Variants in TIGD1 observed in about 807,000 individuals in gnomAD.
The protein encoded by TIGD1 is tigger transposable element-derived protein 1.
Under a neutral mutation model 21.3 loss-of-function variants are expected in TIGD1, and 20 were observed. The ratio of observed to expected loss-of-function variants is 0.94; its 90% CI spans 0.66 to 1.36. TIGD1 has a LOEUF of 1.36. Among genes scored for constraint, TIGD1 ranks in the 40% most tolerant of loss-of-function variants. The probability of loss-of-function intolerance (pLI) is 0.00; values close to 1 mark genes in which losing one functional copy is unlikely to be tolerated. For synonymous variants in TIGD1, 177 were observed against 123.2 expected, an observed-to-expected ratio of 1.44 and a Z score of -2.89; for missense variants, 556 against 350.5, an observed-to-expected ratio of 1.59 and a Z score of -4.68.
In TIGD1 at chr2:232,544,295, C is replaced by A. The variant is rs1395469371; in HGVS notation, c.*3812G>T. On this transcript the variant is annotated 3_prime_UTR_variant, in exon 1 of 1. Transcript: ENST00000408957. Reference sequence around the variant, plus strand: ...CCTCCATGGTCCCTAGCAGCACAAGCCCTTCACGCCAACCTCTGGCTTCTG... The same window carrying A: ...CCTCCATGGTCCCTAGCAGCACAAGACCTTCACGCCAACCTCTGGCTTCTG... 2.6e-6 allele frequency: 3 copies of A among 1,149,722 alleles called. No homozygotes were observed. Among genetic ancestry groups the A allele is most frequent in the Non-Finnish European group, 3.9e-6 (3 of 763,956 alleles). The allele number at this position is 1,149,722 out of a possible 1,614,324, so 71.2% of individuals were successfully genotyped here. A position where few individuals can be genotyped will look rare whatever the true frequency, so the allele number is the denominator to read the frequency against.
rs1559307761 is a variant in TIGD1, at chr2:232,548,861, G to A, written c.1022C>T (p.Thr341Ile). 1.6e-6 allele frequency: 1 copy of A among 624,844 alleles called. No homozygotes were observed. Among genetic ancestry groups the A allele is most frequent in the Non-Finnish European group, 2.9e-6 (1 of 342,284 alleles). The allele number at this position is 624,844 out of a possible 1,614,324, so 38.7% of individuals were successfully genotyped here. A position where few individuals can be genotyped will look rare whatever the true frequency, so the allele number is the denominator to read the frequency against. ...ATTTCTCAAATAATAAGACTTGAAG[G>A]TCGAAATTACCCCTTGATCCATGGG... ...LQPMDQGVISTFKSYYLRNTF... is the reference protein window; with the variant it reads ...LQPMDQGVISIFKSYYLRNTF... The change falls in exon 1 of 1, where the codon ACC becomes ATC. Residue 341 changes from threonine (T) to isoleucine (I), a missense_variant. Physicochemically the swap from Thr to Ile is moderately conservative, Grantham distance 89 (BLOSUM62 -1). Coordinates refer to ENST00000408957, the MANE Select transcript of TIGD1 (RefSeq NM_145702.4).
At position 232,544,679 on chromosome 2, in the gene TIGD1, G is replaced by A. The variant is rs986541144; in HGVS notation, c.*3428C>T. On this transcript the variant is annotated 3_prime_UTR_variant, in exon 1 of 1. Transcript: ENST00000408957. ...AGTGCTGGAGAAGTGCCCAGGTCAG[G>A]GAGAGAGGAGCTGGGGTCCCTAAGG... 7 of 1,568,370 alleles carry A rather than the reference G, an allele frequency of 4.5e-6. No individual in the cohort carries two copies. Among genetic ancestry groups the A allele is most frequent in the Non-Finnish European group, 6.1e-6 (7 of 1,140,354 alleles).
In TIGD1 at chr2:232,548,549, GT is replaced by G. The variant is rs1316505024; in HGVS notation, c.1333del (p.Thr445LeufsTer11). ...TTTATCATGAGATTGCAGCAATTCAGTTACATCTTCAGGCTCTACTTCTAAT... is the reference window on the plus strand; with the variant it reads ...TTTATCATGAGATTGCAGCAATTCAGTACATCTTCAGGCTCTACTTCTAAT... Reference protein sequence around the residue: ...LELEVEPEDVTELLQSHDKTL... With the variant: ...LELEVEPEDVXELLQSHDKTL... On this transcript the variant is annotated frameshift_variant, in exon 1 of 1. Transcript: ENST00000408957. LOFTEE classifies it high-confidence loss of function. 6 of 639,272 alleles carry G rather than the reference GT, an allele frequency of 9.4e-6. No individual in the cohort carries two copies. Among genetic ancestry groups the G allele is most frequent in the African/African-American group, 1.8e-5 (1 of 56,086 alleles). 39.6% of individuals were successfully genotyped at this position (639,272 alleles called of 1,614,324 possible).
In TIGD1 at chr2:232,545,654, A is replaced by C; in HGVS notation, c.*2453T>G. 1.2e-6 allele frequency: 2 copies of C among 1,613,830 alleles called. No homozygotes were observed. The highest frequency in any genetic ancestry group is 1.7e-6 in the Non-Finnish European group (2 of 1,179,744). On this transcript the variant is annotated 3_prime_UTR_variant, in exon 1 of 1. Transcript: ENST00000408957. ...TGGCATCTTCCTCATGGCCCACTAC[A>C]ACCGGGTGCCGGCCCTGCCATTCCC... is the stretch of plus-strand genomic sequence containing the variant.
In TIGD1 at chr2:232,544,781, C is replaced by G. The variant is rs146674765; in HGVS notation, c.*3326G>C. 2 of 1,613,844 alleles carry G rather than the reference C, an allele frequency of 1.2e-6. No homozygotes were observed. Among genetic ancestry groups the G allele is most frequent in the African/African-American group, 2.7e-5 (2 of 74,896 alleles). On this transcript the variant is annotated 3_prime_UTR_variant, in exon 1 of 1. Coordinates refer to ENST00000408957, the MANE Select transcript of TIGD1 (RefSeq NM_145702.4). The stretch of plus-strand genomic sequence containing the variant: ...CCTTTCTCTTTATCAGAGAAAGGCC[C>G]GGAGTTAGGGCTGAGCCAGTTCTGT...
In TIGD1 at chr2:232,545,042, A is replaced by G; in HGVS notation, c.*3065T>C. 9.2e-7 allele frequency: 1 copy of G among 1,088,986 alleles called. No individual in the cohort carries two copies. The highest frequency in any genetic ancestry group is 1.4e-6 in the Non-Finnish European group (1 of 734,950). The allele number at this position is 1,088,986 out of a possible 1,614,324, so 67.5% of individuals were successfully genotyped here. A position where few individuals can be genotyped will look rare whatever the true frequency, so the allele number is the denominator to read the frequency against. On this transcript the variant is annotated 3_prime_UTR_variant, in exon 1 of 1. Coordinates refer to ENST00000408957, the MANE Select transcript of TIGD1 (RefSeq NM_145702.4). ...CCGGGTGCAGTGGGTCACACCTGTA[A>G]TCCCAGTACTTTGGGAGGCCGAGGC...
In TIGD1 at chr2:232,544,389, AGCT is replaced by A; in HGVS notation, c.*3715_*3717del. On this transcript the variant is annotated 3_prime_UTR_variant, in exon 1 of 1. Coordinates refer to ENST00000408957, the MANE Select transcript of TIGD1 (RefSeq NM_145702.4). ...TAGGTGTTCCTGAGGCTCTTGCCCC[AGCT>A]GCTGAGGATGCACGTTCGCCCGCTG... 1 of 1,613,380 alleles carries A rather than the reference AGCT, an allele frequency of 6.2e-7. No individual in the cohort carries two copies. Among genetic ancestry groups the A allele is most frequent in the Non-Finnish European group, 8.5e-7 (1 of 1,179,990 alleles).
In TIGD1 at chr2:232,545,487, C is replaced by T. The variant is rs1692111223; in HGVS notation, c.*2620G>A. Reference sequence around the variant, plus strand: ...TGGAAGCCCAAGGATGAGAACAGGACCCAGGGAAGACCTGGTGCCGCCGCT... The same window carrying T: ...TGGAAGCCCAAGGATGAGAACAGGATCCAGGGAAGACCTGGTGCCGCCGCT... On this transcript the variant is annotated 3_prime_UTR_variant, in exon 1 of 1. Coordinates refer to ENST00000408957, the MANE Select transcript of TIGD1 (RefSeq NM_145702.4). 8 of 1,498,950 alleles carry T rather than the reference C, an allele frequency of 5.3e-6. No individual in the cohort carries two copies. The highest frequency in any genetic ancestry group is 4.7e-5 in the East Asian group (2 of 42,858). The allele number at this position is 1,498,950 out of a possible 1,614,324, so 92.9% of individuals were successfully genotyped here.
Position 232,547,148 on chromosome 2 carries a change from TGCAATCCCAGCACCTTGGG to T in TIGD1, c.*940_*958del. On this transcript the variant is annotated 3_prime_UTR_variant, in exon 1 of 1. Coordinates refer to ENST00000408957, the MANE Select transcript of TIGD1 (RefSeq NM_145702.4). ...CTGGCCAGGTGTGGTGGCTCACACC[TGCAATCCCAGCACCTTGGG>T]AGGACAAGGTGGGTGGACTGCTTGA... is the stretch of plus-strand genomic sequence containing the variant. Among the ~76,000 whole-genome samples the T allele has an allele frequency of 6.6e-6, 1 of 152,170 alleles. No individual in the cohort carries two copies. The highest frequency in any genetic ancestry group is 1.5e-5 in the Non-Finnish European group (1 of 68,020).
rs756116890 is a variant in TIGD1, at chr2:232,545,708, C to G, written c.*2399G>C. On this transcript the variant is annotated 3_prime_UTR_variant, in exon 1 of 1. Transcript: ENST00000408957. ...AGATCCACGCCCCTACCTGCCCTCA[C>G]CAGACTGAGCCAACCAACCACTGTG... The G allele has an allele frequency of 6.2e-7, 1 of 1,614,148 alleles. No homozygotes were observed. Among genetic ancestry groups the G allele is most frequent in the East Asian group, 2.2e-5 (1 of 44,886 alleles).
chr2:232,550,089 A>G lies in TIGD1; in HGVS notation c.-207T>C. On this transcript the variant is annotated 5_prime_UTR_variant, in exon 1 of 1. Transcript: ENST00000408957. ...CATCAAAGATCACTGATCATAGATC[A>G]CCATAACAGACACAGAAATCATGAA... The G allele has an allele frequency of 2.3e-6, 1 of 438,608 alleles. No individual in the cohort carries two copies. Among genetic ancestry groups the G allele is most frequent in the Non-Finnish European group, 4.1e-6 (1 of 241,594 alleles). 27.2% of individuals were successfully genotyped at this position (438,608 alleles called of 1,614,324 possible).
Position 232,545,803 on chromosome 2 carries a change from A to G in TIGD1, c.*2304T>C. 1 of 1,459,440 alleles carries G rather than the reference A, an allele frequency of 6.9e-7. No individual in the cohort carries two copies. The highest frequency in any genetic ancestry group is 9.6e-7 in the Non-Finnish European group (1 of 1,045,260). The allele number at this position is 1,459,440 out of a possible 1,614,324, so 90.4% of individuals were successfully genotyped here. A position where few individuals can be genotyped will look rare whatever the true frequency, so the allele number is the denominator to read the frequency against. On this transcript the variant is annotated 3_prime_UTR_variant, in exon 1 of 1. Transcript: ENST00000408957. ...GCCACGTTCTCCTACTGAGGTCCTAAGTGTGCTCTTTGGGAAGTGCCCTTC... is the reference window on the plus strand; with the variant it reads ...GCCACGTTCTCCTACTGAGGTCCTAGGTGTGCTCTTTGGGAAGTGCCCTTC...
rs188809813 is a variant in TIGD1 at position 232,548,201 on chromosome 2, G to T, written c.1682C>A (p.Ser561Ter). ...CTGACTGGTCAGGGTGGTGGCTGCTGAAGGTTGGGGTGGCTGTGGCAATTT... is the reference window on the plus strand; with the variant it reads ...CTGACTGGTCAGGGTGGTGGCTGCTTAAGGTTGGGGTGGCTGTGGCAATTT... The part of the protein sequence containing the change: ...FRKLPQPPQP[S>*]AATTLTSQQP... Residue 561 changes from serine (S) to a stop codon, truncating the protein, a stop_gained, in exon 1 of 1, where the codon TCA becomes TAA. Coordinates refer to ENST00000408957, the MANE Select transcript of TIGD1 (RefSeq NM_145702.4). LOFTEE classifies it high-confidence loss of function. 6.5e-7 allele frequency: 1 copy of T among 1,538,342 alleles called. No individual in the cohort carries two copies. The highest frequency in any genetic ancestry group is 8.7e-7 in the Non-Finnish European group (1 of 1,145,388).
In TIGD1 at chr2:232,547,092, CT is replaced by C. The variant is rs1559306648; in HGVS notation, c.*1014del. 6.6e-6 allele frequency among the ~76,000 whole-genome samples: 1 copy of C among 152,150 alleles called. No individual in the cohort carries two copies. The highest frequency in any genetic ancestry group is 2.4e-5 in the African/African-American group (1 of 41,448). On this transcript the variant is annotated 3_prime_UTR_variant, in exon 1 of 1. Coordinates refer to ENST00000408957, the MANE Select transcript of TIGD1 (RefSeq NM_145702.4). ...ATGCTCCCTGAGGCTGTTCCCTCAT[CT>C]GTAAATAAGGTGCAAAAAATAATCC...
At position 232,544,989 on chromosome 2, in the gene TIGD1, T is replaced by A. The variant is rs1692097841; in HGVS notation, c.*3118A>T. The A allele has an allele frequency of 6.4e-7, 1 of 1,557,660 alleles. No homozygotes were observed. The highest frequency in any genetic ancestry group is 8.8e-7 in the Non-Finnish European group (1 of 1,137,456). ...GACAGGATGAGTGGGGTTGCCAAGA[T>A]AGGGCAGTGGGATGGAAAAACATGA... On this transcript the variant is annotated 3_prime_UTR_variant, in exon 1 of 1. Transcript: ENST00000408957.
At position 232,545,416 on chromosome 2, in the gene TIGD1, C is replaced by T. The variant is rs114307143; in HGVS notation, c.*2691G>A. On this transcript the variant is annotated 3_prime_UTR_variant, in exon 1 of 1. Transcript: ENST00000408957. ...ATGGAATTAGCCACCAGTTGGGACCCGGACATAGGTAAGAAGGGCCCCAGG... is the reference window on the plus strand; with the variant it reads ...ATGGAATTAGCCACCAGTTGGGACCTGGACATAGGTAAGAAGGGCCCCAGG... 1.0e-3 allele frequency: 892 copies of T among 885,020 alleles called. 2 individuals are homozygous for T. In the African/African-American group the frequency reaches 0.012, roughly 12 times the overall value. The allele number at this position is 885,020 out of a possible 1,614,324, so 54.8% of individuals were successfully genotyped here.
chr2:232,546,036 A>C lies in TIGD1; in HGVS notation c.*2071T>G, dbSNP rs1692127430. ...GCATTATTCATTCCCATCAGTCTGA[A>C]GCCCGAAGGACTGTTTTGTATAATA... On this transcript the variant is annotated 3_prime_UTR_variant, in exon 1 of 1. Coordinates refer to ENST00000408957, the MANE Select transcript of TIGD1 (RefSeq NM_145702.4). 3 of 457,234 alleles carry C rather than the reference A, an allele frequency of 6.6e-6. No homozygotes were observed. The highest frequency in any genetic ancestry group is 1.2e-5 in the Non-Finnish European group (3 of 245,528). The allele number at this position is 457,234 out of a possible 1,614,324, so 28.3% of individuals were successfully genotyped here.
Position 232,548,123 on chromosome 2 carries a change from G to T in TIGD1, c.1760C>A (p.Thr587Asn), listed in dbSNP as rs1477753268. 10 of 818,822 alleles carry T rather than the reference G, an allele frequency of 1.2e-5. No individual in the cohort carries two copies. The highest frequency in any genetic ancestry group is 1.7e-5 in the African/African-American group (1 of 57,396). The allele number at this position is 818,822 out of a possible 1,614,324, so 50.7% of individuals were successfully genotyped here. A position where few individuals can be genotyped will look rare whatever the true frequency, so the allele number is the denominator to read the frequency against. Reference protein sequence around the residue: ...DPPPAKRVRLTEGSD With the variant: ...DPPPAKRVRLNEGSD Reference sequence around the variant, plus strand: ...TGCTGATTATCAATCTGAGCCTTCGGTGAGTCGTACTCTTTTTGCTGGTGG... The same window carrying T: ...TGCTGATTATCAATCTGAGCCTTCGTTGAGTCGTACTCTTTTTGCTGGTGG... Residue 587 changes from threonine (T) to asparagine (N), a missense_variant, in exon 1 of 1, where the codon ACC (threonine) becomes AAC (asparagine). By Grantham distance (65) the Thr-to-Asn change is moderately conservative. Transcript: ENST00000408957.
At position 232,544,810 on chromosome 2, in the gene TIGD1, A is replaced by C. The variant is rs1383480905; in HGVS notation, c.*3297T>G. 1.2e-6 allele frequency: 2 copies of C among 1,613,782 alleles called. No individual in the cohort carries two copies. The highest frequency in any genetic ancestry group is 2.7e-5 in the African/African-American group (2 of 74,924). On this transcript the variant is annotated 3_prime_UTR_variant, in exon 1 of 1. Transcript: ENST00000408957. The stretch of plus-strand genomic sequence containing the variant: ...GTTAGGGCTGAGCCAGTTCTGTGGC[A>C]GCCTGAAGCAGGCTGCCCCAGCCAT...
Sources: allele counts gnomAD v4.1 joint callset (sites outside exome capture counted in the v4.1 genomes callset), GRCh38; gene constraint gnomAD v4.1.1; transcripts MANE v1.5; gene names NCBI Gene and HGNC (gene_info 2026-07-23, HGNC 2026-07-21).